The following FBXO2 variants were observed in gnomAD, a reference collection of about 807,000 sequenced individuals.
FBXO2 encodes the protein F-box only protein 2.
Under a neutral mutation model 38.6 loss-of-function variants are expected in FBXO2, and 32 were observed. The ratio of observed to expected loss-of-function variants is 0.83; its 90% CI spans 0.62 to 1.11. The LOEUF is 1.11. Ranked by LOEUF, FBXO2 falls within the 50% of genes most tolerant of loss-of-function variation. The probability of loss-of-function intolerance (pLI) is 0.00; values close to 1 mark genes in which losing one functional copy is unlikely to be tolerated. For synonymous variants in FBXO2, 189 were observed against 182.9 expected (o/e 1.03, Z -0.27); for missense variants, 450 against 418.3 (o/e 1.08, Z -0.66).
intron 4 of FBXO2, 147 bp downstream of exon 4, chr1:11,649,632 T>C (rs1276065782): frequency 1.4e-6 from 1 of 732,054 alleles, no homozygotes; most frequent in Non-Finnish European, 2.3e-6. Flanking sequence ...AACACGGAAG[T>C]TGTCAACCTT....
At chr1:11,650,129 C>T (rs1285125594) in intron 2 of FBXO2, 55 bp from the exon 3 acceptor site, 1 of 1,603,544 alleles carries the variant, frequency 6.2e-7, no homozygotes, top group Non-Finnish European at 8.5e-7. Flanking sequence ...AAGGCTGGCT[C>T]TTGCCACTAT....
Position 11,648,728 on chromosome 1 carries a change from CG to C in FBXO2, c.856del (p.Arg286GlyfsTer2), listed in dbSNP as rs1375046651. The C allele has an allele frequency of 1.2e-6, 2 of 1,613,456 alleles. No homozygotes were observed. Among genetic ancestry groups the C allele is most frequent in the Non-Finnish European group, 1.7e-6 (2 of 1,180,034 alleles). On this transcript the variant is annotated frameshift_variant, in exon 6 of 6. Transcript: ENST00000354287. LOFTEE classifies it high-confidence loss of function. The surrounding 1 kb of genome is among the most constrained non-coding windows in gnomAD (Gnocchi z 4.2). ...SVYWKGWFGA[R>X]VTNSSVWVEP ...TACCCACACGCTGCTGTTGGTCACC[CG>C]GGCCCCGAACCAGCCCTTCCAGTAG...
intron 1 of FBXO2, among the ~76,000 whole-genome samples, chr1:11,651,732 C>T (rs1371619066): frequency 4.6e-5 from 7 of 150,600 alleles, no homozygotes; most frequent in South Asian, 2.1e-4. Context: ...TATGGAGTCT[C>T]GCTTGCTCTG....
intron 1 of FBXO2, chr1:11,653,552 G>C (rs1289014934): frequency 6.6e-6 from 1 of 152,432 alleles, no homozygotes; most frequent in Non-Finnish European, 1.5e-5. Flanking sequence ...GGGGGGTGAG[G>C]GGGGGCCTGA....
rs1308139314 is a variant in FBXO2 at position 11,650,727 on chromosome 1, C to CGGT, written c.129_130insACC (p.Ala43_Ala44insThr). 2 of 1,528,760 alleles carry CGGT rather than the reference C, an allele frequency of 1.3e-6. No individual in the cohort carries two copies. The highest frequency in any genetic ancestry group is 2.8e-5 in the African/African-American group (2 of 71,372). 94.7% of individuals were successfully genotyped at this position (1,528,760 alleles called of 1,614,324 possible). ...TCGGGCAGCTCGTCCAGGTACGCGGCGGCGGCCGCCGCCTCCTCCTCCTGC... is the reference window on the plus strand; with the variant it reads ...TCGGGCAGCTCGTCCAGGTACGCGGCGGTGGCGGCCGCCGCCTCCTCCTCCTGC... On this transcript the variant is annotated inframe_insertion, in exon 2 of 6. Transcript: ENST00000354287.
At position 11,649,136 on chromosome 1, in the gene FBXO2, C is replaced by G. The variant is rs753544299; in HGVS notation, c.707G>C (p.Ser236Thr). ...EHENVLAEFSSGQVAVPQDSD... is the reference protein window; with the variant it reads ...EHENVLAEFSTGQVAVPQDSD... ...GTCTTGGGGCACTGCCACCTGCCCG[C>G]TGCTGAACTCAGCCAGCACGTTCTC... is the stretch of plus-strand genomic sequence containing the variant. The change falls in exon 5 of 6, where the codon AGC becomes ACC. Residue 236 changes from serine (S) to threonine (T), a missense_variant. Coordinates refer to ENST00000354287, the MANE Select transcript of FBXO2 (RefSeq NM_012168.6). 2.5e-6 allele frequency: 4 copies of G among 1,595,428 alleles called. No individual in the cohort carries two copies. The highest frequency in any genetic ancestry group is 1.7e-5 in the Admixed American group (1 of 58,216).
chr1:11,654,159 GAC>G (rs1255342052), intron 1 of FBXO2, 158 bp downstream of exon 1: 1 of 712,332 alleles, frequency 1.4e-6, no homozygotes, highest in Admixed American at 4.0e-5. Flanking sequence ...ATAGCAGAGA[GAC>G]GTGCTCTTTG....
Position 11,648,783 on chromosome 1 carries a change from G to C in FBXO2, c.802C>G (p.Arg268Gly), listed in dbSNP as rs137861693. ...GAGTCCTGCCCCCCGTGCTCGAAGC[G>C]GACGAAGCGGACGCCCGGCCCGTAG... The part of the protein sequence containing the change: ...TDYGPGVRFV[R>G]FEHGGQDSVY... The change falls in exon 6 of 6, where the codon CGC (arginine) becomes GGC (glycine). Residue 268 changes from arginine to glycine, a missense_variant. By Grantham distance (125) the Arg-to-Gly change is moderately radical. Coordinates refer to ENST00000354287, the MANE Select transcript of FBXO2 (RefSeq NM_012168.6). This position sits in a 1 kb window ranked among gnomAD's most constrained non-coding sequence, Gnocchi z 4.2. The C allele has an allele frequency of 6.2e-7, 1 of 1,613,738 alleles. No individual in the cohort carries two copies. The highest frequency in any genetic ancestry group is 1.1e-5 in the South Asian group (1 of 91,082).
At position 11,649,427 on chromosome 1, in the gene FBXO2, C is replaced by T. The variant is rs145268995; in HGVS notation, c.618-202G>A. 3 of 607,794 alleles carry T rather than the reference C, an allele frequency of 4.9e-6. No individual in the cohort carries two copies. The Admixed American group carries it at 9.0e-5, about 18-fold the overall frequency. The allele number at this position is 607,794 out of a possible 1,614,324, so 37.7% of individuals were successfully genotyped here. A position where few individuals can be genotyped will look rare whatever the true frequency, so the allele number is the denominator to read the frequency against. On this transcript the variant is annotated intron_variant, in intron 4 of 5. Transcript: ENST00000354287. ...GCAAGAGAAAGTGACAGCCCACGAG[C>T]GAAACACGAGGACTACATTCCAAGT...
intron 5 of FBXO2, 57 bp downstream of exon 5, chr1:11,649,030 G>T: frequency 1.3e-6 from 2 of 1,496,688 alleles, no homozygotes; most frequent in Non-Finnish European, 1.8e-6. Context: ...GGGTCTCCTC[G>T]AGCCACGCCC....
At position 11,648,770 on chromosome 1, in the gene FBXO2, C is replaced by G. The variant is rs149264736; in HGVS notation, c.815G>C (p.Gly272Ala). ...PGVRFVRFEHGGQDSVYWKGW... is the reference protein window; with the variant it reads ...PGVRFVRFEHAGQDSVYWKGW... ...CTTCCAGTAGACGGAGTCCTGCCCC[C>G]CGTGCTCGAAGCGGACGAAGCGGAC... Residue 272 changes from glycine (G) to alanine (A), a missense_variant, in exon 6 of 6, where the codon GGG becomes GCG. Gly to Ala is a moderately conservative substitution (Grantham distance 60, BLOSUM62 0). Transcript: ENST00000354287. The surrounding 1 kb of genome is among the most constrained non-coding windows in gnomAD (Gnocchi z 4.2). 19 of 1,613,648 alleles carry G rather than the reference C, an allele frequency of 1.2e-5. No homozygotes were observed. In the African/African-American group the frequency reaches 1.5e-4, roughly 12 times the overall value.
Position 11,654,313 on chromosome 1 carries a change from G to T in FBXO2, c.22+6C>A, listed in dbSNP as rs926413774. The T allele has an allele frequency of 2.2e-5, 33 of 1,472,818 alleles. No individual in the cohort carries two copies. Among genetic ancestry groups the T allele is most frequent in the Admixed American group, 1.2e-4 (5 of 40,358 alleles). The allele number at this position is 1,472,818 out of a possible 1,614,324, so 91.2% of individuals were successfully genotyped here. ...CGCCGCAGCGAGCGGTCCAGGCGTC[G>T]GCTACCTGGGTCACCGTCTCCGTCC... is the stretch of plus-strand genomic sequence containing the variant. On this transcript the variant is annotated splice_donor_region_variant and intron_variant, in intron 1 of 5. Transcript: ENST00000354287.
Position 11,648,812 on chromosome 1 carries a change from G to C in FBXO2, c.773C>G (p.Thr258Ser). The change falls in exon 6 of 6, where the codon ACC becomes AGC. Residue 258 changes from threonine to serine, a missense_variant. Physicochemically the swap from Thr to Ser is moderately conservative, Grantham distance 58. Coordinates refer to ENST00000354287, the MANE Select transcript of FBXO2 (RefSeq NM_012168.6). The surrounding 1 kb of genome is among the most constrained non-coding windows in gnomAD (Gnocchi z 4.2). Reference protein sequence around the residue: ...GGWMEISHTFTDYGPGVRFVR... With the variant: ...GGWMEISHTFSDYGPGVRFVR... ...GAAGCGGACGCCCGGCCCGTAGTCG[G>C]TGAAGGTGTGGGAGATCTGGGGGTG... 6.2e-7 allele frequency: 1 copy of C among 1,613,714 alleles called. No homozygotes were observed. Among genetic ancestry groups the C allele is most frequent in the Non-Finnish European group, 8.5e-7 (1 of 1,180,020 alleles).
Position 11,650,715 on chromosome 1 carries a change from C to G in FBXO2, c.142G>C (p.Asp48His), listed in dbSNP as rs1416661788. The G allele has an allele frequency of 2.0e-6, 3 of 1,525,744 alleles. No homozygotes were observed. The highest frequency in any genetic ancestry group is 2.6e-6 in the Non-Finnish European group (3 of 1,144,620). The allele number at this position is 1,525,744 out of a possible 1,614,324, so 94.5% of individuals were successfully genotyped here. Residue 48 changes from aspartate to histidine, a missense_variant, in exon 2 of 6, where the codon GAC (aspartate) becomes CAC (histidine). Asp to His is a moderately conservative substitution (Grantham distance 81). Transcript: ENST00000354287. ...AGCAGCAGCGGCTCGGGCAGCTCGTCCAGGTACGCGGCGGCGGCCGCCGCC... is the reference window on the plus strand; with the variant it reads ...AGCAGCAGCGGCTCGGGCAGCTCGTGCAGGTACGCGGCGGCGGCCGCCGCC... ...EEAAAAAAYL[D>H]ELPEPLLLRV... is the part of the protein sequence containing the mutation.
Position 11,650,683 on chromosome 1 carries a change from C to T in FBXO2, c.174G>A (p.Val58=). Residue 58 remains valine (V), a synonymous_variant, in exon 2 of 6, where the codon GTG becomes GTA. Transcript: ENST00000354287. ...DELPEPLLLR[V]LAALPAAELV... ...GCTCGGCGGCCGGCAGTGCGGCCAGCACGCGCAGCAGCAGCGGCTCGGGCA... is the reference window on the plus strand; with the variant it reads ...GCTCGGCGGCCGGCAGTGCGGCCAGTACGCGCAGCAGCAGCGGCTCGGGCA... The T allele has an allele frequency of 6.5e-7, 1 of 1,537,130 alleles. No individual in the cohort carries two copies. The highest frequency in any genetic ancestry group is 8.7e-7 in the Non-Finnish European group (1 of 1,147,254).
In FBXO2 at chr1:11,649,889, G is replaced by T. The variant is rs779638695; in HGVS notation, c.522-15C>A. 4.3e-6 allele frequency: 7 copies of T among 1,613,882 alleles called. No homozygotes were observed. Among genetic ancestry groups the T allele is most frequent in the Non-Finnish European group, 5.9e-6 (7 of 1,180,010 alleles). On this transcript the variant is annotated splice_polypyrimidine_tract_variant and intron_variant, in intron 3 of 5. Transcript: ENST00000354287. ...TGCGACACCACCTGGGAGAACTGGAGTTAGGACAGAGCGAACGCTCCCCCC... is the reference window on the plus strand; with the variant it reads ...TGCGACACCACCTGGGAGAACTGGATTTAGGACAGAGCGAACGCTCCCCCC...
Position 11,648,925 on chromosome 1 carries a change from G to A in FBXO2, c.757-97C>T, listed in dbSNP as rs1034747455. On this transcript the variant is annotated intron_variant, in intron 5 of 5. Transcript: ENST00000354287. This position sits in a 1 kb window ranked among gnomAD's most constrained non-coding sequence, Gnocchi z 4.2. ...CGACCGACCTGCAGCTCCCCCACTC[G>A]GTTTCTCCGCGGTATTCAGAACTCT... 1.9e-4 allele frequency: 296 copies of A among 1,550,764 alleles called. No individual in the cohort carries two copies. Among genetic ancestry groups the A allele is most frequent in the Non-Finnish European group, 2.4e-4 (272 of 1,137,442 alleles).
At position 11,650,721 on chromosome 1, in the gene FBXO2, A is replaced by AGG; in HGVS notation, c.135_136insCC (p.Tyr46ProfsTer72). 1 of 1,497,754 alleles carries AGG rather than the reference A, an allele frequency of 6.7e-7. No homozygotes were observed. 92.8% of individuals were successfully genotyped at this position (1,497,754 alleles called of 1,614,324 possible). On this transcript the variant is annotated frameshift_variant, in exon 2 of 6. Coordinates refer to ENST00000354287, the MANE Select transcript of FBXO2 (RefSeq NM_012168.6). LOFTEE classifies it high-confidence loss of function. ...AGCGGCTCGGGCAGCTCGTCCAGGT[A>AGG]CGCGGCGGCGGCCGCCGCCTCCTCC...
At position 11,649,078 on chromosome 1, in the gene FBXO2, C is replaced by G; in HGVS notation, c.756+9G>C. 6.3e-7 allele frequency: 1 copy of G among 1,589,618 alleles called. No homozygotes were observed. Among genetic ancestry groups the G allele is most frequent in the South Asian group, 1.1e-5 (1 of 87,428 alleles). On this transcript the variant is annotated intron_variant, in intron 5 of 5. Transcript: ENST00000354287. The stretch of plus-strand genomic sequence containing the variant: ...CCCCACCCCTCCGCCCTGGGTCCCC[C>G]AGGCTCACCTCCATCCAGCCCCCGC...
Sources: gnomAD v4.1 joint callset for allele counts (sites outside exome capture counted in the v4.1 genomes callset) on GRCh38, gnomAD v4.1.1 for gene constraint, Gnocchi (gnomAD v3.1) non-coding constraint, MANE v1.5 for transcripts, NCBI Gene and HGNC (gene_info 2026-07-23, HGNC 2026-07-21) for gene names.